The following PARN variants were observed in gnomAD, a reference collection of about 807,000 sequenced individuals.
PARN encodes the protein poly(A)-specific ribonuclease PARN.
PARN carries 71 observed loss-of-function variants against 102.8 expected under a neutral mutation model. The observed-to-expected ratio is 0.69, with a 90% CI of 0.57 to 0.84. The LOEUF (loss-of-function observed/expected upper bound fraction) is 0.84, where lower values mean the gene tolerates loss of function less well. Among genes scored for constraint, PARN ranks in the 40% least tolerant of loss-of-function variants. PARN has a pLI of 0.00. For missense variants in PARN, 782 were observed against 760.9 expected (o/e 1.03, Z -0.33); for synonymous variants, 261 against 252.9 (o/e 1.03, Z -0.30).
At chr16:14,595,176 T>C (rs999336338) in intron 12 of PARN, among the ~76,000 whole-genome samples, 1 of 152,228 alleles carries the variant, frequency 6.6e-6, no homozygotes, top group Non-Finnish European at 1.5e-5. Context: ...GAAGCTACTT[T>C]ATGTGTATAC....
intron 18 of PARN, among the ~76,000 whole-genome samples, chr16:14,557,604 A>T (rs1355551987): frequency 6.6e-6 from 1 of 151,970 alleles, no homozygotes; most frequent in East Asian, 1.9e-4. Flanking sequence ...GCTAGTTTAC[A>T]AATGGAACCA....
chr16:14,619,472 A>T (rs1429748252), intron 5 of PARN, among the ~76,000 whole-genome samples: 1 of 151,948 alleles, frequency 6.6e-6, no homozygotes, highest in Non-Finnish European at 1.5e-5. Context: ...TTTTAAAATA[A>T]GTATATATTA....
At chr16:14,602,491 G>C (rs141337032) in intron 11 of PARN, among the ~76,000 whole-genome samples, 2 of 152,058 alleles carry the variant, frequency 1.3e-5, no homozygotes, top group East Asian at 1.9e-4. Flanking sequence ...AAAAACACTC[G>C]AAACCTCATC....
intron 23 of PARN, among the ~76,000 whole-genome samples, chr16:14,439,300 A>G (rs573853949): frequency 6.7e-6 from 1 of 150,362 alleles, no homozygotes; most frequent in South Asian, 2.1e-4. Context: ...TGAGCCCAGG[A>G]TATCAAGGCT....
At chr16:14,489,538 T>G (rs1882438900) in intron 21 of PARN, among the ~76,000 whole-genome samples, 1 of 151,848 alleles carries the variant, frequency 6.6e-6, no homozygotes, top group Non-Finnish European at 1.5e-5. Flanking sequence ...AGTGAGAAGG[T>G]CTCTTTAAGA....
chr16:14,582,338 G>C (rs753224937), intron 16 of PARN, 47 bp from the exon 17 acceptor site: 1 of 1,221,458 alleles, frequency 8.2e-7, no homozygotes, highest in South Asian at 1.2e-5. Context: ...AGACTAGTAA[G>C]CACATTGCCC....
chr16:14,593,269 TA>T, intron 13 of PARN, 31 bp downstream of exon 13: 2 of 1,143,726 alleles, frequency 1.7e-6, no homozygotes, highest in Non-Finnish European at 2.6e-6. Context: ...AGAATCCTGC[TA>T]ATATTAAACA....
intron 10 of PARN, among the ~76,000 whole-genome samples, chr16:14,604,664 G>A (rs892523035): frequency 2.6e-5 from 4 of 152,092 alleles, no homozygotes; most frequent in African/African-American, 9.7e-5. Context: ...CACCCAAGCT[G>A]GAGTGCAGTG....
At chr16:14,553,425 A>G (rs1468358536) in intron 20 of PARN, among the ~76,000 whole-genome samples, 1 of 152,248 alleles carries the variant, frequency 6.6e-6, no homozygotes, top group Non-Finnish European at 1.5e-5. Context: ...GAAGATACAT[A>G]AACATTTACT....
At chr16:14,509,481 T>C in intron 21 of PARN, among the ~76,000 whole-genome samples, 1 of 152,242 alleles carries the variant, frequency 6.6e-6, no homozygotes, top group East Asian at 1.9e-4. Flanking sequence ...TTTATTGAAA[T>C]GGTAAAGCAG....
At chr16:14,528,976 A>T (rs1044049796) in intron 21 of PARN, among the ~76,000 whole-genome samples, 3 of 152,198 alleles carry the variant, frequency 2.0e-5, no homozygotes, top group South Asian at 2.1e-4. Context: ...TTCTCTTTAC[A>T]GAAACTTCTC....
intron 20 of PARN, among the ~76,000 whole-genome samples, 188 bp downstream of exon 20, chr16:14,553,877 T>G (rs2065487360): frequency 6.6e-6 from 1 of 152,232 alleles, no homozygotes; most frequent in Non-Finnish European, 1.5e-5. Flanking sequence ...GAGGTGCTAT[T>G]AAAAGTTTCT....
chr16:14,562,525 C>CATA lies in PARN; in HGVS notation c.1263-6819_1263-6817dup, dbSNP rs557380798. 2.3e-4 allele frequency among the ~76,000 whole-genome samples: 35 copies of CATA among 150,222 alleles called. No individual in the cohort carries two copies. The South Asian group carries it at 7.4e-3, about 32-fold the overall frequency. ...TACCTCAAAATCCAGAAGGCAGTAA[C>CATA]ATAAGCCTTCTACCACTCCTTGAAA... is the stretch of plus-strand genomic sequence containing the variant. On this transcript the variant is annotated intron_variant, in intron 18 of 23. Transcript: ENST00000437198.
chr16:14,614,864 A>G (rs1472125224), intron 6 of PARN, among the ~76,000 whole-genome samples: 3 of 145,520 alleles, frequency 2.1e-5, no homozygotes, highest in East Asian at 2.0e-4. Context: ...AAAAAAAAAA[A>G]AAAAAAAAAA....
At chr16:14,534,833 AT>A (rs553597929) in intron 21 of PARN, among the ~76,000 whole-genome samples, 342 of 142,130 alleles carry the variant, frequency 2.4e-3, no homozygotes, top group Admixed American at 2.7e-3. Flanking sequence ...TCATTTCTAA[AT>A]TTTTTTTTTT....
intron 11 of PARN, among the ~76,000 whole-genome samples, chr16:14,602,782 C>G (rs1419701324): frequency 6.6e-6 from 1 of 152,150 alleles, no homozygotes; most frequent in African/African-American, 2.4e-5. Flanking sequence ...CTCATTGCCT[C>G]CTGGGTTCTG....
chr16:14,486,293 G>T (rs1390255055), intron 21 of PARN, among the ~76,000 whole-genome samples: 1 of 152,144 alleles, frequency 6.6e-6, no homozygotes, highest in Non-Finnish European at 1.5e-5. Flanking sequence ...ACTGAGCCCA[G>T]GAAGTCAAGT....
chr16:14,610,586 C>T (rs1258602104), intron 7 of PARN, 58 bp downstream of exon 7: 3 of 1,021,240 alleles, frequency 2.9e-6, no homozygotes, highest in Admixed American at 1.8e-5. Flanking sequence ...GATATAGATG[C>T]CTGTCATCCC....
At chr16:14,570,758 G>A (rs1410133279) in intron 18 of PARN, among the ~76,000 whole-genome samples, 12 of 148,020 alleles carry the variant, frequency 8.1e-5, no homozygotes, top group East Asian at 2.0e-4. Flanking sequence ...TTGGAGGATC[G>A]CTTGAGCCCA....
Sources: allele counts gnomAD v4.1 joint callset (sites outside exome capture counted in the v4.1 genomes callset), GRCh38; gene constraint gnomAD v4.1.1; transcripts MANE v1.5; gene names NCBI Gene and HGNC (gene_info 2026-07-23, HGNC 2026-07-21).